Variants in ADGRB3 observed in about 807,000 individuals in gnomAD.
The protein encoded by ADGRB3 is brain-specific angiogenesis inhibitor 3.
A neutral mutation model predicts 193.4 loss-of-function variants in ADGRB3; 37 were observed. The observed-to-expected ratio is 0.19, with a 90% CI of 0.15 to 0.25. The LOEUF is 0.25. Ranked by LOEUF, ADGRB3 falls within the 10% of genes least tolerant of loss-of-function variation. The pLI is 1.00. For synonymous variants in ADGRB3, 690 were observed against 644.2 expected, an observed-to-expected ratio of 1.07 and a Z score of -1.08; for missense variants, 1,637 against 1,852.9, an observed-to-expected ratio of 0.88 and a Z score of 2.14.
At chr6:68,680,387 G>A (rs1325308713) in intron 3 of ADGRB3, among the ~76,000 whole-genome samples, 1 of 152,154 alleles carries the variant, frequency 6.6e-6, no homozygotes, top group Non-Finnish European at 1.5e-5. Context: ...GCAAGAGAGA[G>A]GAGAAAGAGA....
intron 3 of ADGRB3, among the ~76,000 whole-genome samples, chr6:68,740,486 AC>A (rs1765957827): frequency 6.6e-6 from 1 of 152,210 alleles, no homozygotes; most frequent in African/African-American, 2.4e-5. Flanking sequence ...TAAGAAAAAA[AC>A]ATCAATTTGT....
rs141667064 is a variant in ADGRB3 at position 68,792,113 on chromosome 6, A to G, written c.758-138446A>G. Among the ~76,000 whole-genome samples the G allele has an allele frequency of 6.6e-5, 10 of 152,308 alleles. No homozygotes were observed. In the East Asian group the frequency reaches 1.9e-3, roughly 29 times the overall value. The stretch of plus-strand genomic sequence containing the variant: ...TAGAATCTTGACTAGAACAGTTAAA[A>G]TACAGTGCTCCTACACCAGGTTTCT... On this transcript the variant is annotated intron_variant, in intron 3 of 31. Transcript: ENST00000370598.
chr6:69,012,300 G>A, intron 11 of ADGRB3, among the ~76,000 whole-genome samples: 1 of 151,944 alleles, frequency 6.6e-6, no homozygotes, highest in Admixed American at 6.6e-5. Context: ...GCAGCAGCAT[G>A]CATTTTGTAT....
intron 3 of ADGRB3, among the ~76,000 whole-genome samples, chr6:68,787,843 G>C (rs1369879254): frequency 2.6e-5 from 4 of 152,246 alleles, no homozygotes; most frequent in Admixed American, 2.6e-4. Flanking sequence ...CCTGTTATTG[G>C]TCTATTCAGA....
chr6:69,349,394 T>C (rs960586396), intron 26 of ADGRB3, among the ~76,000 whole-genome samples: 3 of 152,212 alleles, frequency 2.0e-5, no homozygotes, highest in Admixed American at 2.0e-4. Flanking sequence ...TAGAAAGTCA[T>C]TGGGACTGAA....
intron 20 of ADGRB3, among the ~76,000 whole-genome samples, chr6:69,319,255 A>T (rs1768389223): frequency 6.6e-6 from 1 of 151,262 alleles, no homozygotes; most frequent in Non-Finnish European, 1.5e-5. Flanking sequence ...TTGATTATTT[A>T]AAAGCTTTTT....
intron 11 of ADGRB3, among the ~76,000 whole-genome samples, chr6:69,007,214 C>T (rs1769786497): frequency 6.6e-6 from 1 of 152,154 alleles, no homozygotes; most frequent in Non-Finnish European, 1.5e-5. Flanking sequence ...CATGTCATTT[C>T]TCTAAACCAA....
intron 3 of ADGRB3, among the ~76,000 whole-genome samples, chr6:68,905,967 C>T (rs1443136323): frequency 9.2e-5 from 14 of 151,960 alleles, no homozygotes; most frequent in Admixed American, 9.2e-4. Flanking sequence ...AAAAAGTTTC[C>T]TGCTTGACTT....
At chr6:68,881,287 C>T (rs1582279566) in intron 3 of ADGRB3, among the ~76,000 whole-genome samples, 1 of 151,848 alleles carries the variant, frequency 6.6e-6, no homozygotes, top group South Asian at 2.1e-4. Context: ...TCATATTTTC[C>T]GTGTGTTGCA....
chr6:68,903,271 A>C, intron 3 of ADGRB3, among the ~76,000 whole-genome samples: 1 of 152,220 alleles, frequency 6.6e-6, no homozygotes, highest in East Asian at 1.9e-4. Flanking sequence ...ATCATGCATT[A>C]TTGTATCTCT....
At chr6:68,836,131 C>A (rs1407028371) in intron 3 of ADGRB3, among the ~76,000 whole-genome samples, 1 of 152,118 alleles carries the variant, frequency 6.6e-6, no homozygotes, top group Admixed American at 6.6e-5. Flanking sequence ...ATGTGGCAAA[C>A]TAAAAGCCTG....
chr6:68,735,688 C>G (rs1249294545), intron 3 of ADGRB3, among the ~76,000 whole-genome samples: 2 of 151,926 alleles, frequency 1.3e-5, no homozygotes, highest in Non-Finnish European at 2.9e-5. Context: ...TGTCTTTTTA[C>G]CATGCTTGTG....
At chr6:68,798,807 A>C (rs1387572531) in intron 3 of ADGRB3, among the ~76,000 whole-genome samples, 1 of 152,210 alleles carries the variant, frequency 6.6e-6, no homozygotes, top group Non-Finnish European at 1.5e-5. Context: ...GAAGCAAGTT[A>C]GTGGGTTCAG....
chr6:69,031,019 T>TC (rs1562128732), intron 13 of ADGRB3, among the ~76,000 whole-genome samples: 3,866 of 95,622 alleles, frequency 0.04, 988 homozygotes, highest in Non-Finnish European at 0.049. Flanking sequence ...TCTTTTCTTT[T>TC]TTTTTTCCTC....
At chr6:68,942,911 T>G (rs553943258) in intron 5 of ADGRB3, among the ~76,000 whole-genome samples, 11 of 152,288 alleles carry the variant, frequency 7.2e-5, no homozygotes, top group African/African-American at 2.2e-4. Flanking sequence ...ACGCCCAGCC[T>G]AAATACTGAA....
intron 3 of ADGRB3, among the ~76,000 whole-genome samples, chr6:68,926,029 C>T (rs760395357): frequency 1.3e-5 from 2 of 151,976 alleles, no homozygotes; most frequent in African/African-American, 4.8e-5. Context: ...CATAATCATA[C>T]ATAACTAATT....
At chr6:69,304,333 G>A (rs1768017872) in intron 20 of ADGRB3, among the ~76,000 whole-genome samples, 1 of 151,556 alleles carries the variant, frequency 6.6e-6, no homozygotes, top group Non-Finnish European at 1.5e-5. Context: ...CATATGACCT[G>A]AATACATTCA....
intron 20 of ADGRB3, among the ~76,000 whole-genome samples, chr6:69,287,808 C>A (rs998983674): frequency 1.3e-5 from 2 of 152,130 alleles, no homozygotes; most frequent in African/African-American, 4.8e-5. Context: ...CGTAAATTAC[C>A]TGAATTTTAA....
Position 68,635,876 on chromosome 6 carries a change from C to T in ADGRB3, c.-312C>T, listed in dbSNP as rs948232115. The T allele has an allele frequency of 6.6e-6, 1 of 152,612 alleles. No individual in the cohort carries two copies. The highest frequency in any genetic ancestry group is 2.4e-5 in the African/African-American group (1 of 41,320). 9.5% of individuals were successfully genotyped at this position (152,612 alleles called of 1,614,324 possible). A position where few individuals can be genotyped will look rare whatever the true frequency, so the allele number is the denominator to read the frequency against. ...TAAAAATAAATCCTGATTTTGGAAG[C>T]TGAGCCGGGGAAAATGGGCAACGGT... On this transcript the variant is annotated 5_prime_UTR_variant, in exon 1 of 32. Coordinates refer to ENST00000370598, the MANE Select transcript of ADGRB3 (RefSeq NM_001704.3).
Sources: gnomAD v4.1 joint callset for allele counts (sites outside exome capture counted in the v4.1 genomes callset) on GRCh38, gnomAD v4.1.1 for gene constraint, MANE v1.5 for transcripts, NCBI Gene and HGNC (gene_info 2026-07-23, HGNC 2026-07-21) for gene names.